The following PPIL1 variants were observed in gnomAD, a reference collection of about 807,000 sequenced individuals.
PPIL1 encodes the protein peptidylprolyl isomerase like 1.
In PPIL1, 14 loss-of-function variants were observed where a neutral mutation model predicts 19.4. The ratio of observed to expected loss-of-function variants is 0.72; its 90% CI spans 0.48 to 1.13. The LOEUF (loss-of-function observed/expected upper bound fraction) is 1.13. Among genes scored for constraint, PPIL1 ranks in the 50% most tolerant of loss-of-function variants. PPIL1 has a pLI of 0.00. For missense variants in PPIL1, 192 were observed against 218.0 expected, an observed-to-expected ratio of 0.88 and a Z score of 0.75; for synonymous variants, 72 against 73.6, an observed-to-expected ratio of 0.98 and a Z score of 0.11.
intron 2 of PPIL1, among the ~76,000 whole-genome samples, chr6:36,869,909 T>C (rs947831044): frequency 6.6e-6 from 1 of 152,160 alleles, no homozygotes; most frequent in Non-Finnish European, 1.5e-5. Context: ...ACTACTTCCA[T>C]TTATCCTGTC....
chr6:36,868,431 G>A (rs1774436209), intron 2 of PPIL1, among the ~76,000 whole-genome samples: 1 of 152,124 alleles, frequency 6.6e-6, no homozygotes, highest in African/African-American at 2.4e-5. Context: ...TCCTGAAATA[G>A]AAAATCCAGT....
chr6:36,867,591 G>A (rs1477672701), intron 2 of PPIL1, among the ~76,000 whole-genome samples: 1 of 152,204 alleles, frequency 6.6e-6, no homozygotes, highest in Non-Finnish European at 1.5e-5. Flanking sequence ...GCTCGGGAGT[G>A]GCAGGGCAGG....
At chr6:36,860,041 ATGG>A (rs892968338) in intron 2 of PPIL1, among the ~76,000 whole-genome samples, 1 of 151,868 alleles carries the variant, frequency 6.6e-6, no homozygotes, top group Non-Finnish European at 1.5e-5. Flanking sequence ...GTTGCCCAGG[ATGG>A]TCTCAATCTT....
rs150987215 is a variant in PPIL1, at chr6:36,873,625, C to T, written c.56+1092G>A. On this transcript the variant is annotated intron_variant, in intron 1 of 3. Coordinates refer to ENST00000373699, the MANE Select transcript of PPIL1 (RefSeq NM_016059.5). ...ATTTTGTAACTTTAAAAAATACCAACAGGAGAATTCAGAAATTACAGGTTG... is the reference window on the plus strand; with the variant it reads ...ATTTTGTAACTTTAAAAAATACCAATAGGAGAATTCAGAAATTACAGGTTG... Among the ~76,000 whole-genome samples, 55 of 152,266 alleles carry T rather than the reference C, an allele frequency of 3.6e-4. 1 individual carries two copies. In the East Asian group the frequency reaches 0.01, roughly 28 times the overall value.
In PPIL1 at chr6:36,855,449, C is replaced by T; in HGVS notation, c.*364G>A. ...CTGCTGTGTAGGCCAGAATATAAAT[C>T]TCCTTAGGAAGAAGTTTGGTTAGGC... On this transcript the variant is annotated 3_prime_UTR_variant, in exon 4 of 4. Transcript: ENST00000373699. 1 of 292,254 alleles carries T rather than the reference C, an allele frequency of 3.4e-6. No homozygotes were observed. Among genetic ancestry groups the T allele is most frequent in the East Asian group, 8.2e-5 (1 of 12,262 alleles). 18.1% of individuals were successfully genotyped at this position (292,254 alleles called of 1,614,324 possible).
In PPIL1 at chr6:36,871,677, A is replaced by G. The variant is rs114080081; in HGVS notation, c.211+41T>C. 1,115 of 1,555,804 alleles carry G rather than the reference A, an allele frequency of 7.2e-4. 12 individuals are homozygous for G. The African/African-American group carries it at 0.014, about 19-fold the overall frequency. Reference sequence around the variant, plus strand: ...TTTAGAAAAAAAGACGAAAAGGAGAAAAAAAAAAGAAAACATAAACTAATG... The same window carrying G: ...TTTAGAAAAAAAGACGAAAAGGAGAGAAAAAAAAGAAAACATAAACTAATG... On this transcript the variant is annotated intron_variant, in intron 2 of 3. Transcript: ENST00000373699.
Position 36,855,143 on chromosome 6 carries a change from T to C in PPIL1, c.*670A>G, listed in dbSNP as rs908408413. 1.3e-5 allele frequency: 2 copies of C among 152,892 alleles called. No individual in the cohort carries two copies. Among genetic ancestry groups the C allele is most frequent in the Admixed American group, 1.3e-4 (2 of 15,318 alleles). 9.5% of individuals were successfully genotyped at this position (152,892 alleles called of 1,614,324 possible). ...CCTTTTAATAAACTAATTTCTTGATTATTATACATTATTATTATTCCCCAC... is the reference window on the plus strand; with the variant it reads ...CCTTTTAATAAACTAATTTCTTGATCATTATACATTATTATTATTCCCCAC... On this transcript the variant is annotated 3_prime_UTR_variant, in exon 4 of 4. Transcript: ENST00000373699.
In PPIL1 at chr6:36,855,829, G is replaced by T. The variant is rs200217301; in HGVS notation, c.485C>A (p.Ala162Glu). 2 of 1,614,174 alleles carry T rather than the reference G, an allele frequency of 1.2e-6. No individual in the cohort carries two copies. The highest frequency in any genetic ancestry group is 3.3e-5 in the Admixed American group (2 of 60,028). Residue 162 changes from alanine to glutamate, a missense_variant, in exon 4 of 4, where the codon GCA (alanine) becomes GAA (glutamate). Ala to Glu is a moderately radical substitution (Grantham distance 107). Transcript: ENST00000373699. ...RPVDDVKIIK[A>E]YPSG ...GTAGCAAGTCTACCCAGAAGGGTAT[G>T]CCTTAATGATCTTCACGTCGTCCAC... is the stretch of plus-strand genomic sequence containing the variant.
intron 2 of PPIL1, among the ~76,000 whole-genome samples, chr6:36,861,681 T>TG (rs762906457): frequency 8.5e-3 from 405 of 47,418 alleles, no homozygotes; most frequent in Non-Finnish European, 0.017. Context: ...ATGATCTGTG[T>TG]TTTTTTTTTT....
Position 36,860,763 on chromosome 6 carries a change from T to TAA in PPIL1, c.212-4111_212-4110dup, listed in dbSNP as rs10585822. Among the ~76,000 whole-genome samples the TAA allele has an allele frequency of 5.2e-3, 637 of 122,216 alleles. 11 individuals are homozygous for TAA. Among genetic ancestry groups the TAA allele is most frequent in the African/African-American group, 0.017 (576 of 34,774 alleles). The allele number at this position is 122,216 out of a possible 152,430, so 80.2% of individuals were successfully genotyped here. A position where few individuals can be genotyped will look rare whatever the true frequency, so the allele number is the denominator to read the frequency against. On this transcript the variant is annotated intron_variant, in intron 2 of 3. Transcript: ENST00000373699. ...TTTTTACTACACATATATGTATCCC[T>TAA]AAAAAAAAAAAAAAAAAAGTATTGC...
At position 36,855,828 on chromosome 6, in the gene PPIL1, T is replaced by C. The variant is rs112291113; in HGVS notation, c.486A>G (p.Ala162=). 1.2e-6 allele frequency: 2 copies of C among 1,614,178 alleles called. No individual in the cohort carries two copies. The change falls in exon 4 of 4, where the codon GCA becomes GCG. Residue 162 remains alanine (A), a synonymous_variant. Transcript: ENST00000373699. The stretch of plus-strand genomic sequence containing the variant: ...GGTAGCAAGTCTACCCAGAAGGGTA[T>C]GCCTTAATGATCTTCACGTCGTCCA... The part of the protein sequence containing the change: ...RPVDDVKIIK[A]YPSG
In PPIL1 at chr6:36,864,424, C is replaced by T. The variant is rs12110391; in HGVS notation, c.211+7294G>A. Among the ~76,000 whole-genome samples the T allele has an allele frequency of 1.6e-3, 249 of 152,270 alleles. 1 individual carries two copies. Among genetic ancestry groups the T allele is most frequent in the African/African-American group, 5.6e-3 (231 of 41,550 alleles). On this transcript the variant is annotated intron_variant, in intron 2 of 3. Transcript: ENST00000373699. ...TGCCAGGCACACTCTGGTCTAAGGC[C>T]TCTGGCTGCTGTTCTCTTCAGAGTG...
chr6:36,873,730 G>A (rs578077818), intron 1 of PPIL1, among the ~76,000 whole-genome samples: 1 of 152,310 alleles, frequency 6.6e-6, no homozygotes, highest in Non-Finnish European at 1.5e-5. Flanking sequence ...TGAGCAAATA[G>A]AGAGAGGACT....
At position 36,855,869 on chromosome 6, in the gene PPIL1, A is replaced by T. The variant is rs1025364104; in HGVS notation, c.445T>A (p.Ser149Thr). 1.2e-6 allele frequency: 2 copies of T among 1,613,964 alleles called. No individual in the cohort carries two copies. Among genetic ancestry groups the T allele is most frequent in the African/African-American group, 2.7e-5 (2 of 74,900 alleles). The change falls in exon 4 of 4, where the codon TCC (serine) becomes ACC (threonine). Residue 149 changes from serine (S) to threonine (T), a missense_variant. Ser to Thr is a moderately conservative substitution (Grantham distance 58). Transcript: ENST00000373699. The part of the protein sequence containing the change: ...VNRVGMVETN[S>T]QDRPVDDVKI... ...ACGTCGTCCACAGGGCGGTCCTGGG[A>T]GTTTGTTTCTACCATTCCCACGCGA...
At chr6:36,873,735 A>C (rs917312856) in intron 1 of PPIL1, among the ~76,000 whole-genome samples, 1 of 152,172 alleles carries the variant, frequency 6.6e-6, no homozygotes. Flanking sequence ...AAATAGAGAG[A>C]GGACTGACAG....
chr6:36,861,138 G>GT (rs1222016208), intron 2 of PPIL1, among the ~76,000 whole-genome samples: 1 of 152,142 alleles, frequency 6.6e-6, no homozygotes, highest in Non-Finnish European at 1.5e-5. Flanking sequence ...CAGGGTCATA[G>GT]TTTGAGTATT....
At chr6:36,871,623 C>T (rs372903329) in intron 2 of PPIL1, 95 bp downstream of exon 2, 48 of 1,443,046 alleles carry the variant, frequency 3.3e-5, no homozygotes, top group East Asian at 2.2e-4. Flanking sequence ...CACCTATTTA[C>T]GACAGAGACT....
chr6:36,869,856 TTC>T (rs1211878909), intron 2 of PPIL1, among the ~76,000 whole-genome samples: 1 of 152,228 alleles, frequency 6.6e-6, no homozygotes, highest in Non-Finnish European at 1.5e-5. Context: ...ATGTAATATG[TTC>T]TGTTTTAAAA....
chr6:36,863,943 A>C (rs1774342163), intron 2 of PPIL1, among the ~76,000 whole-genome samples: 1 of 151,776 alleles, frequency 6.6e-6, no homozygotes. Flanking sequence ...GGTGTTACTC[A>C]GGCCTGCGCT....
Sources: gnomAD v4.1 joint callset for allele counts (sites outside exome capture counted in the v4.1 genomes callset) on GRCh38, gnomAD v4.1.1 for gene constraint, MANE v1.5 for transcripts, NCBI Gene and HGNC (gene_info 2026-07-23, HGNC 2026-07-21) for gene names.